PRKCI: variants seen among roughly 807,000 people sequenced by gnomAD.
PRKCI encodes the protein protein kinase C iota.
In PRKCI, 43 loss-of-function variants were observed where a neutral mutation model predicts 84.0. That is an observed-to-expected ratio of 0.51 (90% CI 0.40 to 0.66). The LOEUF (loss-of-function observed/expected upper bound fraction) is 0.66. Ranked by LOEUF, PRKCI falls within the 30% of genes least tolerant of loss-of-function variation. PRKCI has a pLI of 0.00. For synonymous variants in PRKCI, 216 were observed against 234.4 expected (o/e 0.92, Z 0.72); for missense variants, 459 against 745.6 (o/e 0.62, Z 4.48).
intron 2 of PRKCI, among the ~76,000 whole-genome samples, chr3:170,251,949 C>T (rs1373573790): frequency 6.6e-6 from 1 of 151,346 alleles, no homozygotes; most frequent in Non-Finnish European, 1.5e-5. Context: ...GGTGCGGTGG[C>T]TCACGCCTGT....
intron 4 of PRKCI, 128 bp from the exon 5 acceptor site, chr3:170,267,787 G>A (rs950673292): frequency 4.0e-5 from 22 of 546,672 alleles, no homozygotes; most frequent in Non-Finnish European, 5.8e-5. Flanking sequence ...ATTTTTTGAC[G>A]TTCAGGTTTT....
chr3:170,252,510 GTTA>G (rs1733478615), intron 2 of PRKCI, among the ~76,000 whole-genome samples: 2 of 151,550 alleles, frequency 1.3e-5, no homozygotes, highest in African/African-American at 4.8e-5. Context: ...TACTCTTTTA[GTTA>G]TTTTTAAATA....
At chr3:170,278,324 G>A (rs916395806) in intron 8 of PRKCI, among the ~76,000 whole-genome samples, 1 of 152,148 alleles carries the variant, frequency 6.6e-6, no homozygotes, top group Non-Finnish European at 1.5e-5. Flanking sequence ...TCACTCTGCT[G>A]TATTTACCCT....
At chr3:170,293,335 C>A in intron 13 of PRKCI, 48 bp from the exon 14 acceptor site, 1 of 1,534,212 alleles carries the variant, frequency 6.5e-7, no homozygotes, top group Non-Finnish European at 8.8e-7. Context: ...TACTAACTTT[C>A]AAGAATGCAA....
At chr3:170,263,341 A>G (rs1430422756) in intron 3 of PRKCI, 38 bp from the exon 4 acceptor site, 2 of 1,528,342 alleles carry the variant, frequency 1.3e-6, no homozygotes, top group Non-Finnish European at 1.8e-6. Context: ...GTATGTTTTA[A>G]ATATGCTGTT....
intron 2 of PRKCI, among the ~76,000 whole-genome samples, chr3:170,254,035 T>G (rs1389797702): frequency 6.6e-6 from 1 of 151,138 alleles, no homozygotes; most frequent in African/African-American, 2.4e-5. Context: ...AGGCAGAGGT[T>G]GCAGTGAGCC....
At chr3:170,280,182 G>C (rs764536740) in intron 8 of PRKCI, 45 bp from the exon 9 acceptor site, 33 of 1,528,028 alleles carry the variant, frequency 2.2e-5, no homozygotes, top group East Asian at 1.8e-4. Flanking sequence ...AATGTACTAC[G>C]CAAAGCATTT....
At chr3:170,226,206 C>CCCAG (rs1323055084) in intron 1 of PRKCI, among the ~76,000 whole-genome samples, 3 of 152,198 alleles carry the variant, frequency 2.0e-5, no homozygotes. Flanking sequence ...AGCCATCTTG[C>CCCAG]CCAGCCAATT....
rs911865440 is a variant in PRKCI at position 170,275,182 on chromosome 3, T to G, written c.647-47T>G. On this transcript the variant is annotated intron_variant, in intron 7 of 17. Coordinates refer to ENST00000295797, the MANE Select transcript of PRKCI (RefSeq NM_002740.6). ...ATTAATGGTTGCTGTTTTTTTCTCC[T>G]GCACCTTTTTTTTTTTTTTTTTTAA... The G allele has an allele frequency of 5.5e-6, 8 of 1,453,548 alleles. 1 individual carries two copies. The Middle Eastern group carries it at 9.5e-4, about 172-fold the overall frequency. The allele number at this position is 1,453,548 out of a possible 1,614,324, so 90.0% of individuals were successfully genotyped here.
At chr3:170,257,092 CTAGAGTTA>C (rs1050239259) in intron 2 of PRKCI, among the ~76,000 whole-genome samples, 13 of 151,954 alleles carry the variant, frequency 8.6e-5, no homozygotes, top group African/African-American at 2.7e-4. Flanking sequence ...GAGTTTTTAT[CTAGAGTTA>C]TAGAGATTTT....
chr3:170,257,182 C>A (rs1406858539), intron 2 of PRKCI, among the ~76,000 whole-genome samples: 2 of 152,146 alleles, frequency 1.3e-5, no homozygotes, highest in Non-Finnish European at 2.9e-5. Context: ...AAATATGTTT[C>A]AAATTTTCCA....
intron 3 of PRKCI, 39 bp downstream of exon 3, chr3:170,260,097 A>G (rs766843759): frequency 7.9e-5 from 105 of 1,327,760 alleles, no homozygotes; most frequent in South Asian, 1.3e-4. Flanking sequence ...CAGACTGATA[A>G]TTTCTTTGAA....
chr3:170,241,600 C>T (rs1733133798), intron 2 of PRKCI, among the ~76,000 whole-genome samples: 1 of 152,056 alleles, frequency 6.6e-6, no homozygotes, highest in Non-Finnish European at 1.5e-5. Flanking sequence ...GTTTCCATAT[C>T]TTAGCTATTG....
chr3:170,278,529 G>A (rs1734171864), intron 8 of PRKCI, among the ~76,000 whole-genome samples: 1 of 152,202 alleles, frequency 6.6e-6, no homozygotes, highest in African/African-American at 2.4e-5. Context: ...GGAGGCACAT[G>A]CCTGTAGCCC....
At chr3:170,234,419 T>C (rs1228523819) in intron 1 of PRKCI, among the ~76,000 whole-genome samples, 2 of 152,216 alleles carry the variant, frequency 1.3e-5, no homozygotes, top group African/African-American at 4.8e-5. Context: ...AAAAGTAAAA[T>C]TTATGAAAAA....
chr3:170,260,032 A>G lies in PRKCI; in HGVS notation c.287A>G (p.Asn96Ser). The G allele has an allele frequency of 6.2e-7, 1 of 1,612,078 alleles. No individual in the cohort carries two copies. Among genetic ancestry groups the G allele is most frequent in the Non-Finnish European group, 8.5e-7 (1 of 1,178,534 alleles). ...LEEAFRLYEL[N>S]KDSELLIHVF... is the part of the protein sequence containing the mutation. ...GAAGCCTTTAGACTTTATGAGCTAA[A>G]CAAGGATTCTGAACTCTTGATTCAT... Residue 96 changes from asparagine (N) to serine (S), a missense_variant, in exon 3 of 18, where the codon AAC becomes AGC. This residue lies in a region of PRKCI where 250 missense variants were observed against 319.7 expected (regional missense o/e 0.78). Coordinates refer to ENST00000295797, the MANE Select transcript of PRKCI (RefSeq NM_002740.6).
intron 2 of PRKCI, among the ~76,000 whole-genome samples, chr3:170,245,949 G>GTTTT (rs112482352): frequency 3.9e-3 from 318 of 82,326 alleles, no homozygotes; most frequent in Non-Finnish European, 5.3e-3. Context: ...TTATGTCTTT[G>GTTTT]TTTTTTTTTT....
At chr3:170,233,337 A>G (rs1326999451) in intron 1 of PRKCI, among the ~76,000 whole-genome samples, 1 of 151,962 alleles carries the variant, frequency 6.6e-6, no homozygotes, top group Non-Finnish European at 1.5e-5. Flanking sequence ...ATAGCAAAAT[A>G]AAAAATGCTT....
chr3:170,223,604 T>G (rs1395474775), intron 1 of PRKCI, among the ~76,000 whole-genome samples: 1 of 152,166 alleles, frequency 6.6e-6, no homozygotes, highest in Non-Finnish European at 1.5e-5. Flanking sequence ...TCCTTTAAAT[T>G]CAGTTGTGGT....
Sources: gnomAD v4.1 joint callset for allele counts (sites outside exome capture counted in the v4.1 genomes callset) on GRCh38, gnomAD v4.1.1 for gene constraint, gnomAD v4.1.1 regional missense constraint, MANE v1.5 for transcripts, NCBI Gene and HGNC (gene_info 2026-07-23, HGNC 2026-07-21) for gene names.